Variants in LINGO2 observed in about 807,000 individuals in gnomAD.
The protein encoded by LINGO2 is leucine rich repeat and Ig domain containing 2.
LINGO2 carries 14 observed loss-of-function variants against 30.6 expected under a neutral mutation model. That is an observed-to-expected ratio of 0.46 (90% CI 0.30 to 0.72). LINGO2 has a LOEUF of 0.72. Ranked by LOEUF, LINGO2 falls within the 30% of genes least tolerant of loss-of-function variation. The pLI is 0.07. For missense variants in LINGO2, 729 were observed against 751.7 expected, an observed-to-expected ratio of 0.97 and a Z score of 0.35; for synonymous variants, 317 against 288.5, an observed-to-expected ratio of 1.10 and a Z score of -1.00.
chr9:29,151,888 A>G, the LINGO2 span, among the ~76,000 whole-genome samples: 1 of 152,192 alleles, frequency 6.6e-6, no homozygotes, highest in Non-Finnish European at 1.5e-5. Flanking sequence ...TCAACACTCA[A>G]CTAAATTTGG....
chr9:28,233,691 TA>T (rs1821455637), intron 4 of LINGO2, among the ~76,000 whole-genome samples: 1 of 152,120 alleles, frequency 6.6e-6, no homozygotes, highest in African/African-American at 2.4e-5. Context: ...TCCTTCTGTT[TA>T]AGGAGAGGAG....
chr9:28,780,830 A>ATGTGTG, the LINGO2 span, among the ~76,000 whole-genome samples: 2,084 of 127,454 alleles, frequency 0.016, 42 homozygotes, highest in African/African-American at 0.043. Flanking sequence ...CTTGGTAGTA[A>ATGTGTG]TGTGTGTGTG....
At chr9:28,004,463 C>G (rs923652319) in intron 5 of LINGO2, among the ~76,000 whole-genome samples, 1 of 152,084 alleles carries the variant, frequency 6.6e-6, no homozygotes, top group African/African-American at 2.4e-5. Context: ...TAATCAATTA[C>G]TAGAAGACGT....
chr9:28,726,312 A>T, the LINGO2 span, among the ~76,000 whole-genome samples: 1 of 152,136 alleles, frequency 6.6e-6, no homozygotes, highest in Non-Finnish European at 1.5e-5. Context: ...CAAGAGGAAG[A>T]TCACCTGCTG....
intron 3 of LINGO2, among the ~76,000 whole-genome samples, chr9:28,298,252 T>A (rs959923864): frequency 6.6e-6 from 1 of 152,112 alleles, no homozygotes; most frequent in Non-Finnish European, 1.5e-5. Flanking sequence ...AAAATCAATA[T>A]GATTTCCAAA....
the LINGO2 span, among the ~76,000 whole-genome samples, chr9:29,193,099 T>C: frequency 3.3e-5 from 5 of 152,142 alleles, no homozygotes; most frequent in Non-Finnish European, 7.4e-5. Context: ...AGGTGGAGAA[T>C]TGGAGGAGGA....
At chr9:29,126,975 A>C in the LINGO2 span, among the ~76,000 whole-genome samples, 4 of 152,062 alleles carry the variant, frequency 2.6e-5, no homozygotes, top group African/African-American at 9.7e-5. Flanking sequence ...CCCTCCCAGA[A>C]CCAGTCAGAC....
At chr9:28,556,071 T>A (rs189303044) in intron 1 of LINGO2, among the ~76,000 whole-genome samples, 37 of 152,148 alleles carry the variant, frequency 2.4e-4, no homozygotes, top group Admixed American at 5.9e-4. Context: ...AAGCATTCCC[T>A]CTGAAAATGG....
chr9:29,038,698 A>G, the LINGO2 span, among the ~76,000 whole-genome samples: 1 of 151,892 alleles, frequency 6.6e-6, no homozygotes, highest in Admixed American at 6.6e-5. Flanking sequence ...AAAACATGAA[A>G]AAAGTTTTAT....
At chr9:28,395,613 C>A (rs1011347801) in intron 2 of LINGO2, among the ~76,000 whole-genome samples, 1 of 152,002 alleles carries the variant, frequency 6.6e-6, no homozygotes, top group Non-Finnish European at 1.5e-5. Flanking sequence ...AGTTAACCAA[C>A]AAAGCCCACA....
At chr9:28,591,270 G>A (rs1314872623) in intron 1 of LINGO2, among the ~76,000 whole-genome samples, 1 of 151,774 alleles carries the variant, frequency 6.6e-6, no homozygotes, top group Non-Finnish European at 1.5e-5. Context: ...TAACAAACCT[G>A]CACATTGTGC....
chr9:28,765,525 T>A, the LINGO2 span, among the ~76,000 whole-genome samples: 1 of 151,790 alleles, frequency 6.6e-6, no homozygotes, highest in Non-Finnish European at 1.5e-5. Context: ...CCCAAAGGAG[T>A]GAATGAGCTC....
intron 4 of LINGO2, among the ~76,000 whole-genome samples, chr9:28,247,582 C>T (rs1822049409): frequency 1.3e-5 from 2 of 152,010 alleles, no homozygotes; most frequent in South Asian, 4.1e-4. Context: ...GGGAACAACG[C>T]ACACTGGGGC....
At chr9:28,519,349 A>G (rs1820745581) in intron 1 of LINGO2, among the ~76,000 whole-genome samples, 1 of 151,888 alleles carries the variant, frequency 6.6e-6, no homozygotes, top group Non-Finnish European at 1.5e-5. Flanking sequence ...AAGATCTTGT[A>G]TTTTTCTCTT....
At position 28,048,164 on chromosome 9, in the gene LINGO2, T is replaced by A. The variant is rs189466510; in HGVS notation, c.-86-35759A>T. On this transcript the variant is annotated intron_variant, in intron 4 of 5. Transcript: ENST00000379992. ...GCTTTCCAAAAAAGGGGTAAGACATTTAATAAGGATTAAAATATAACAATT... is the reference window on the plus strand; with the variant it reads ...GCTTTCCAAAAAAGGGGTAAGACATATAATAAGGATTAAAATATAACAATT... 7.4e-4 allele frequency among the ~76,000 whole-genome samples: 112 copies of A among 150,778 alleles called. 6 individuals are homozygous for A. The highest frequency in any genetic ancestry group is 2.5e-3 in the African/African-American group (104 of 40,886).
intron 1 of LINGO2, among the ~76,000 whole-genome samples, chr9:28,666,582 C>T (rs1316305279): frequency 1.3e-5 from 2 of 152,146 alleles, no homozygotes; most frequent in Non-Finnish European, 2.9e-5. Flanking sequence ...AGCATATATT[C>T]TGTAATAGTT....
the LINGO2 span, among the ~76,000 whole-genome samples, chr9:28,900,020 C>T: frequency 9.2e-5 from 14 of 152,292 alleles, no homozygotes; most frequent in South Asian, 6.2e-4. Flanking sequence ...GGACTCAGGC[C>T]GACAGCCTCT....
At chr9:28,302,227 A>G (rs1004191968) in intron 3 of LINGO2, among the ~76,000 whole-genome samples, 1 of 152,218 alleles carries the variant, frequency 6.6e-6, no homozygotes, top group Non-Finnish European at 1.5e-5. Flanking sequence ...AATGGGAAAC[A>G]AGAAATGATG....
In LINGO2 at chr9:28,329,730, C is replaced by T. The variant is rs539221903; in HGVS notation, c.-245-34364G>A. 6.6e-6 allele frequency among the ~76,000 whole-genome samples: 1 copy of T among 152,172 alleles called. No individual in the cohort carries two copies. Among genetic ancestry groups the T allele is most frequent in the East Asian group, 1.9e-4 (1 of 5,158 alleles). On this transcript the variant is annotated intron_variant, in intron 3 of 5. Coordinates refer to ENST00000379992, the Ensembl canonical transcript of LINGO2. This position sits in a 1 kb window ranked among gnomAD's most constrained non-coding sequence, Gnocchi z 4.5. ...CTTTATCTGGCTAATTTTAACTTGC[C>T]CTTCAAGACTTCAAACAGGCATGAC...
Sources: allele counts gnomAD v4.1 joint callset (sites outside exome capture counted in the v4.1 genomes callset), GRCh38; gene constraint gnomAD v4.1.1; non-coding constraint Gnocchi (gnomAD v3.1); transcripts MANE v1.5; gene names NCBI Gene and HGNC (gene_info 2026-07-23, HGNC 2026-07-21).